WDPCP: variants seen among roughly 807,000 people sequenced by gnomAD.
WDPCP encodes WD repeat containing planar cell polarity effector, also known as WD repeat-containing and planar cell polarity effector protein fritz homolog.
Under a neutral mutation model 93.1 loss-of-function variants are expected in WDPCP, and 71 were observed. That is an observed-to-expected ratio of 0.76 (90% confidence interval 0.63 to 0.93). The LOEUF (loss-of-function observed/expected upper bound fraction) is 0.93. WDPCP is among the 40% of genes least tolerant of loss of function. The pLI, the probability that WDPCP is intolerant of heterozygous loss-of-function variation, is 0.00. For synonymous variants in WDPCP, 315 were observed against 315.0 expected, an observed-to-expected ratio of 1.00 and a Z score of 0.00; for missense variants, 844 against 887.4, an observed-to-expected ratio of 0.95 and a Z score of 0.62.
intron 6 of WDPCP, among the ~76,000 whole-genome samples, chr2:63,482,081 G>A (rs1008033891): frequency 2.0e-5 from 3 of 151,830 alleles, no homozygotes; most frequent in Non-Finnish European, 4.4e-5. Context: ...ACTAAGCTTT[G>A]GTAAATGATG....
At chr2:63,251,375 A>C (rs1680699314) in intron 14 of WDPCP, among the ~76,000 whole-genome samples, 1 of 152,090 alleles carries the variant, frequency 6.6e-6, no homozygotes, top group Non-Finnish European at 1.5e-5. Flanking sequence ...TAGAGGAAAT[A>C]GATAAATTCC....
Position 63,153,532 on chromosome 2 carries a change from A to G in WDPCP, c.2121T>C (p.Cys707=). The G allele has an allele frequency of 6.2e-7, 1 of 1,612,746 alleles. No individual in the cohort carries two copies. Among genetic ancestry groups the G allele is most frequent in the Non-Finnish European group, 8.5e-7 (1 of 1,179,226 alleles). Residue 707 remains cysteine (C), a synonymous_variant, in exon 16 of 18, where the codon TGT becomes TGC. Coordinates refer to ENST00000272321, the MANE Select transcript of WDPCP (RefSeq NM_015910.7). The part of the protein sequence containing the change: ...DRRNELEKDI[C]SGFLMTNTCN... ...AGGTATTAGTCATCAAAAATCCAGA[A>G]CAGATGTCTTTTTCAAGTTCATTCC...
intron 12 of WDPCP, among the ~76,000 whole-genome samples, chr2:63,373,195 G>A (rs982341854): frequency 6.6e-6 from 1 of 150,986 alleles, no homozygotes; most frequent in East Asian, 1.9e-4. Context: ...GTATTTATCT[G>A]GTATAAACTT....
At position 63,404,498 on chromosome 2, in the gene WDPCP, C is replaced by T. The variant is rs199959383; in HGVS notation, c.985G>A (p.Val329Met). 1,862 of 1,613,992 alleles carry T rather than the reference C, an allele frequency of 1.2e-3. No individual in the cohort carries two copies. Among genetic ancestry groups the T allele is most frequent in the Non-Finnish European group, 1.2e-3 (1,390 of 1,179,932 alleles). ...YECIRNKIQCVSVTRIPLKSK... is the reference protein window; with the variant it reads ...YECIRNKIQCMSVTRIPLKSK... ...TTTAGTGGTATTCTGGTGACTGACA[C>T]ACACTGGATTTTATTCCGAATGCAT... Residue 329 changes from valine to methionine, a missense_variant, in exon 10 of 18, where the codon GTG becomes ATG. Transcript: ENST00000272321.
intron 14 of WDPCP, among the ~76,000 whole-genome samples, chr2:63,255,846 A>G (rs1265065776): frequency 6.6e-6 from 1 of 150,492 alleles, no homozygotes; most frequent in Non-Finnish European, 1.5e-5. Flanking sequence ...TTTATCACTT[A>G]TTGCTAGATA....
At chr2:63,354,668 A>ATG (rs759877205) in intron 12 of WDPCP, among the ~76,000 whole-genome samples, 12 of 151,570 alleles carry the variant, frequency 7.9e-5, no homozygotes, top group South Asian at 2.1e-4. Context: ...GTGTATATAT[A>ATG]TGTGTGTGTG....
At chr2:63,825,151 T>C (rs1327392513) in intron 1 of WDPCP, among the ~76,000 whole-genome samples, 1 of 152,138 alleles carries the variant, frequency 6.6e-6, no homozygotes, top group East Asian at 1.9e-4. Flanking sequence ...TGCCGGTGAA[T>C]ACAGTTTTTT....
chr2:63,381,272 AC>A (rs1692280491), intron 11 of WDPCP, among the ~76,000 whole-genome samples: 1 of 151,960 alleles, frequency 6.6e-6, no homozygotes, highest in African/African-American at 2.4e-5. Flanking sequence ...CCACTGCCCC[AC>A]CCCCTGACCT....
At chr2:63,561,627 C>A (rs1484701239) in intron 1 of WDPCP, among the ~76,000 whole-genome samples, 1 of 152,016 alleles carries the variant, frequency 6.6e-6, no homozygotes, top group Non-Finnish European at 1.5e-5. Context: ...GCAATCTATC[C>A]ATCTGACAAA....
At chr2:63,650,005 T>C (rs1449541148) in intron 3 of WDPCP, among the ~76,000 whole-genome samples, 1 of 152,100 alleles carries the variant, frequency 6.6e-6, no homozygotes, top group Admixed American at 6.5e-5. Flanking sequence ...AGAAGACCAG[T>C]TGATGTGTTA....
intron 2 of WDPCP, among the ~76,000 whole-genome samples, chr2:63,705,819 G>A (rs1284775199): frequency 6.6e-6 from 1 of 150,682 alleles, no homozygotes; most frequent in African/African-American, 2.4e-5. Context: ...AGGTCTGCTT[G>A]GTGCAGAGCT....
At chr2:63,373,833 A>C (rs1691615221) in intron 12 of WDPCP, among the ~76,000 whole-genome samples, 1 of 151,990 alleles carries the variant, frequency 6.6e-6, no homozygotes, top group Non-Finnish European at 1.5e-5. Flanking sequence ...TGATTACCCT[A>C]GAAATTCTGT....
At chr2:63,792,018 C>T (rs1362872550) in intron 2 of WDPCP, among the ~76,000 whole-genome samples, 3 of 152,074 alleles carry the variant, frequency 2.0e-5, no homozygotes, top group Non-Finnish European at 4.4e-5. Flanking sequence ...TGTTTAGTTG[C>T]CTATTTGCTG....
At chr2:63,429,507 T>C (rs531520552) in intron 9 of WDPCP, among the ~76,000 whole-genome samples, 33 of 151,914 alleles carry the variant, frequency 2.2e-4, no homozygotes, top group African/African-American at 8.0e-4. Flanking sequence ...AAAAAACAAA[T>C]AACCTCTATA....
chr2:63,631,859 G>A (rs1171816727), intron 3 of WDPCP, among the ~76,000 whole-genome samples: 1 of 152,196 alleles, frequency 6.6e-6, no homozygotes, highest in African/African-American at 2.4e-5. Flanking sequence ...CACAGACTCT[G>A]TGCAGCTTTC....
intron 3 of WDPCP, chr2:63,594,597 G>C (rs376853222): frequency 1.3e-6 from 2 of 1,570,482 alleles, no homozygotes; most frequent in East Asian, 2.2e-5. Context: ...GTAGGAACAG[G>C]TGTCTATAAA....
At chr2:63,781,795 G>A (rs1351068483) in intron 2 of WDPCP, among the ~76,000 whole-genome samples, 1 of 152,164 alleles carries the variant, frequency 6.6e-6, no homozygotes, top group Non-Finnish European at 1.5e-5. Flanking sequence ...CATAGTTCCA[G>A]TAAGTGAAGT....
chr2:63,604,943 C>T, intron 3 of WDPCP: 2 of 1,492,392 alleles, frequency 1.3e-6, no homozygotes, highest in East Asian at 2.3e-5. Context: ...GGACAGAAAA[C>T]CTTAAAGAGG....
At chr2:63,292,220 T>G (rs1285356655) in intron 13 of WDPCP, among the ~76,000 whole-genome samples, 1 of 151,624 alleles carries the variant, frequency 6.6e-6, no homozygotes, top group Non-Finnish European at 1.5e-5. Flanking sequence ...GAAAGTTGGC[T>G]CTTTTAGTCT....
Sources: allele counts gnomAD v4.1 joint callset (sites outside exome capture counted in the v4.1 genomes callset), GRCh38; gene constraint gnomAD v4.1.1; transcripts MANE v1.5; gene names NCBI Gene and HGNC (gene_info 2026-07-23, HGNC 2026-07-21).